The following YEATS2 variants were observed in gnomAD, a reference collection of about 807,000 sequenced individuals.
YEATS2 encodes the protein YEATS domain containing 2, also known as YEATS domain-containing protein 2.
A neutral mutation model predicts 163.2 loss-of-function variants in YEATS2; 77 were observed. That is an observed-to-expected ratio of 0.47 (90% CI 0.39 to 0.57). The LOEUF is 0.57. YEATS2 is among the 20% of genes least tolerant of loss of function. The pLI, the probability that YEATS2 is intolerant of heterozygous loss-of-function variation, is 0.00. For synonymous variants in YEATS2, 631 were observed against 645.1 expected (o/e 0.98, Z 0.33); for missense variants, 1,549 against 1,729.8 (o/e 0.90, Z 1.85).
In YEATS2 at chr3:183,797,998, T is replaced by C. The variant is rs371335204; in HGVS notation, c.3173T>C (p.Leu1058Pro). 56 of 1,613,962 alleles carry C rather than the reference T, an allele frequency of 3.5e-5. No homozygotes were observed. Among genetic ancestry groups the C allele is most frequent in the Non-Finnish European group, 4.4e-5 (52 of 1,179,984 alleles). ...VLTIPSQLKP[L>P]SVNTSGGVQT... ...ACGATTCCCAGCCAGCTCAAACCAC[T>C]CAGCGTAAACACATCTGGAGGGGTG... Residue 1058 changes from leucine (L) to proline (P), a missense_variant, in exon 22 of 31, where the codon CTC becomes CCC. Physicochemically the swap from Leu to Pro is moderately conservative, Grantham distance 98. Transcript: ENST00000305135.
intron 8 of YEATS2, among the ~76,000 whole-genome samples, chr3:183,747,178 G>A (rs546004979): frequency 6.6e-6 from 1 of 152,096 alleles, no homozygotes; most frequent in Non-Finnish European, 1.5e-5. Flanking sequence ...TAAGTGCTTA[G>A]TAAATATACT....
chr3:183,807,787 T>G, intron 28 of YEATS2: 1 of 411,886 alleles, frequency 2.4e-6, no homozygotes, highest in Non-Finnish European at 4.3e-6. Context: ...ACGAAGGAGA[T>G]TTGAGAGATT....
At chr3:183,768,984 A>G (rs548681624) in intron 15 of YEATS2, among the ~76,000 whole-genome samples, 1 of 152,322 alleles carries the variant, frequency 6.6e-6, no homozygotes, top group African/African-American at 2.4e-5. Flanking sequence ...AAAAACAACA[A>G]CAAAACAGAG....
intron 19 of YEATS2, among the ~76,000 whole-genome samples, chr3:183,785,616 A>G (rs1723992510): frequency 1.3e-5 from 2 of 152,098 alleles, no homozygotes; most frequent in African/African-American, 4.8e-5. Context: ...TGATTGTGCC[A>G]TTACACTCCA....
At chr3:183,744,513 C>T (rs555049203) in intron 8 of YEATS2, among the ~76,000 whole-genome samples, 6 of 152,292 alleles carry the variant, frequency 3.9e-5, no homozygotes, top group South Asian at 2.1e-4. Flanking sequence ...GAATTCTTTA[C>T]GTACTTTTCA....
chr3:183,806,761 C>T lies in YEATS2; in HGVS notation c.3785-105C>T, dbSNP rs1207996666. The T allele has an allele frequency of 3.2e-5, 37 of 1,148,606 alleles. No homozygotes were observed. The Admixed American group carries it at 7.7e-4, about 24-fold the overall frequency. The allele number at this position is 1,148,606 out of a possible 1,614,324, so 71.2% of individuals were successfully genotyped here. On this transcript the variant is annotated intron_variant, in intron 27 of 30. Transcript: ENST00000305135. ...GTTAGAACTGGAAAGAAGGTCAGCT[C>T]CCCTGATGCTTATCCCCCTTCCTCA...
chr3:183,776,145 A>G, intron 18 of YEATS2, 22 bp downstream of exon 18: 1 of 1,525,978 alleles, frequency 6.6e-7, no homozygotes, highest in Non-Finnish European at 8.8e-7. Context: ...TGTAACTGAT[A>G]TTTTAAATCA....
chr3:183,714,487 T>C (rs1029809802), intron 1 of YEATS2, among the ~76,000 whole-genome samples: 1 of 151,892 alleles, frequency 6.6e-6, no homozygotes, highest in Non-Finnish European at 1.5e-5. Context: ...TGAGCCACCG[T>C]GCCCGGCCGG....
At chr3:183,783,884 A>ATATATACAC (rs1172985422) in intron 19 of YEATS2, among the ~76,000 whole-genome samples, 2 of 152,004 alleles carry the variant, frequency 1.3e-5, no homozygotes, top group Non-Finnish European at 2.9e-5. Context: ...TTTCTTTTGG[A>ATATATACAC]TATATACACA....
At chr3:183,769,847 A>T (rs35323257) in intron 15 of YEATS2, among the ~76,000 whole-genome samples, 1 of 151,660 alleles carries the variant, frequency 6.6e-6, no homozygotes, top group Admixed American at 6.6e-5. Context: ...CACCACGCCC[A>T]GCTCATTCCT....
chr3:183,748,632 T>C (rs1018567583), intron 9 of YEATS2, among the ~76,000 whole-genome samples: 1 of 151,594 alleles, frequency 6.6e-6, no homozygotes, highest in African/African-American at 2.4e-5. Flanking sequence ...AGACAGGGTC[T>C]TACTCTGTCA....
chr3:183,785,488 C>CAAAAAA (rs146941322), intron 19 of YEATS2, among the ~76,000 whole-genome samples: 1 of 52,262 alleles, frequency 1.9e-5, no homozygotes, highest in African/African-American at 7.0e-5. Context: ...GACTCTGTCT[C>CAAAAAA]AAAAAAAAAA....
intron 16 of YEATS2, among the ~76,000 whole-genome samples, 195 bp downstream of exon 16, chr3:183,772,758 TACACAC>T (rs139500481): frequency 7.6e-5 from 6 of 78,756 alleles, no homozygotes; most frequent in Non-Finnish European, 1.6e-4. Context: ...GCTTTAAATT[TACACAC>T]ACACACACAC....
intron 1 of YEATS2, among the ~76,000 whole-genome samples, chr3:183,712,761 C>G (rs936511633): frequency 7.5e-6 from 1 of 134,172 alleles, no homozygotes; most frequent in Non-Finnish European, 1.6e-5. Flanking sequence ...AATACTAATA[C>G]AAATTTTTTT....
At chr3:183,779,533 T>A (rs1723346113) in intron 19 of YEATS2, among the ~76,000 whole-genome samples, 1 of 152,130 alleles carries the variant, frequency 6.6e-6, no homozygotes, top group Non-Finnish European at 1.5e-5. Flanking sequence ...ATTTCAGCCC[T>A]CCAATATGTT....
intron 9 of YEATS2, among the ~76,000 whole-genome samples, chr3:183,748,143 G>T (rs941461961): frequency 9.2e-5 from 14 of 151,552 alleles, no homozygotes; most frequent in African/African-American, 3.4e-4. Flanking sequence ...TAGACTCACA[G>T]TTCCACAGGC....
chr3:183,720,101 G>C (rs1490180631), intron 4 of YEATS2, among the ~76,000 whole-genome samples: 4 of 152,150 alleles, frequency 2.6e-5, no homozygotes, highest in African/African-American at 9.7e-5. Context: ...TAGTGATGCT[G>C]TGTACTTGAT....
chr3:183,723,548 T>C (rs1716756914), intron 5 of YEATS2, among the ~76,000 whole-genome samples: 2 of 152,208 alleles, frequency 1.3e-5, no homozygotes, highest in Non-Finnish European at 2.9e-5. Flanking sequence ...TCTTCACTGT[T>C]TGGATTTACC....
intron 19 of YEATS2, among the ~76,000 whole-genome samples, chr3:183,780,000 C>CTTTTTTTTT (rs71298586): frequency 7.4e-6 from 1 of 134,806 alleles, no homozygotes; most frequent in African/African-American, 2.8e-5. Context: ...CTGGCCTTTA[C>CTTTTTTTTT]TTTTTTTTTT....
Sources: gnomAD v4.1 joint callset for allele counts (sites outside exome capture counted in the v4.1 genomes callset) on GRCh38, gnomAD v4.1.1 for gene constraint, MANE v1.5 for transcripts, NCBI Gene and HGNC (gene_info 2026-07-23, HGNC 2026-07-21) for gene names.